The following GALNT18 variants were observed in gnomAD, a reference collection of about 807,000 sequenced individuals.
The protein encoded by GALNT18 is polypeptide N-acetylgalactosaminyltransferase 18.
Under a neutral mutation model 69.5 loss-of-function variants are expected in GALNT18, and 44 were observed. The observed-to-expected ratio is 0.63, with a 90% CI of 0.50 to 0.81. The LOEUF (loss-of-function observed/expected upper bound fraction) is 0.81. Among genes scored for constraint, GALNT18 ranks in the 40% least tolerant of loss-of-function variants. The pLI, the probability that GALNT18 is intolerant of heterozygous loss-of-function variation, is 0.00. For synonymous variants in GALNT18, 364 were observed against 318.2 expected (o/e 1.14, Z -1.53); for missense variants, 715 against 810.0 (o/e 0.88, Z 1.42).
chr11:11,297,347 C>G (rs1432100145), intron 9 of GALNT18, among the ~76,000 whole-genome samples: 1 of 152,202 alleles, frequency 6.6e-6, no homozygotes, highest in Non-Finnish European at 1.5e-5. Flanking sequence ...ACTCATGAGG[C>G]AGGTACTAAT....
At position 11,273,552 on chromosome 11, in the gene GALNT18, G is replaced by A. The variant is rs116005302; in HGVS notation, c.1678-2262C>T. ...GAAAGACAGGCAATAATAAATGCTG[G>A]TGAGGATGTAGAGAAAAGGAAACCT... On this transcript the variant is annotated intron_variant, in intron 10 of 10. Transcript: ENST00000227756. 2.4e-3 allele frequency among the ~76,000 whole-genome samples: 369 copies of A among 152,320 alleles called. 1 individual carries two copies. The highest frequency in any genetic ancestry group is 8.1e-3 in the African/African-American group (337 of 41,580).
rs1376433218 is a variant in GALNT18, at chr11:11,309,734, C to T, written c.1513-16541G>A. On this transcript the variant is annotated intron_variant, in intron 9 of 10. Transcript: ENST00000227756. The surrounding 1 kb of genome is among the most constrained non-coding windows in gnomAD (Gnocchi z 4.6). ...GGGTACCTGCTCAGCAGCTGAGCCA[C>T]TTTCACTCTGCAGGGTTTCTAAACC... 2.0e-5 allele frequency among the ~76,000 whole-genome samples: 3 copies of T among 152,124 alleles called. No homozygotes were observed. Among genetic ancestry groups the T allele is most frequent in the Non-Finnish European group, 4.4e-5 (3 of 68,008 alleles).
chr11:11,372,710 G>C lies in GALNT18; in HGVS notation c.978-81C>G. On this transcript the variant is annotated intron_variant, in intron 5 of 10. Transcript: ENST00000227756. This position sits in a 1 kb window ranked among gnomAD's most constrained non-coding sequence, Gnocchi z 4.9. ...GAGCAGTAAGGCCTTCCTATCAGGA[G>C]GGTCTGGTTCTCTTCCTTCCTTTGC... 1 of 1,083,438 alleles carries C rather than the reference G, an allele frequency of 9.2e-7. No homozygotes were observed. Among genetic ancestry groups the C allele is most frequent in the Admixed American group, 1.9e-5 (1 of 53,866 alleles). The allele number at this position is 1,083,438 out of a possible 1,614,324, so 67.1% of individuals were successfully genotyped here. A position where few individuals can be genotyped will look rare whatever the true frequency, so the allele number is the denominator to read the frequency against.
chr11:11,484,749 G>T (rs980206458), intron 1 of GALNT18, among the ~76,000 whole-genome samples: 1 of 152,158 alleles, frequency 6.6e-6, no homozygotes, highest in African/African-American at 2.4e-5. Context: ...TAGAAGGACA[G>T]AACCCAAGTT....
intron 10 of GALNT18, among the ~76,000 whole-genome samples, chr11:11,277,843 T>G (rs967841646): frequency 3.3e-5 from 5 of 152,238 alleles, no homozygotes; most frequent in Admixed American, 1.3e-4. Context: ...AGTTCTAATT[T>G]GATTGCACTG....
Position 11,613,753 on chromosome 11 carries a change from G to A in GALNT18, c.235+7606C>T, listed in dbSNP as rs371147919. Among the ~76,000 whole-genome samples, 27 of 152,328 alleles carry A rather than the reference G, an allele frequency of 1.8e-4. No individual in the cohort carries two copies. The highest frequency in any genetic ancestry group is 6.2e-4 in the South Asian group (3 of 4,830). On this transcript the variant is annotated intron_variant, in intron 1 of 10. Coordinates refer to ENST00000227756, the MANE Select transcript of GALNT18 (RefSeq NM_198516.3). This position sits in a 1 kb window ranked among gnomAD's most constrained non-coding sequence, Gnocchi z 4.2. The stretch of plus-strand genomic sequence containing the variant: ...GAGACATTCCAGGCCAGCATAAACA[G>A]CATGGTCCACCATTCATTGATGGTG...
chr11:11,607,481 T>TA (rs1456439750), intron 1 of GALNT18, among the ~76,000 whole-genome samples: 2 of 152,176 alleles, frequency 1.3e-5, no homozygotes, highest in African/African-American at 2.4e-5. Context: ...ATAAGTGCTA[T>TA]AAAAAAGTAT....
At chr11:11,479,013 G>A (rs1266075951) in intron 1 of GALNT18, among the ~76,000 whole-genome samples, 1 of 152,198 alleles carries the variant, frequency 6.6e-6, no homozygotes, top group East Asian at 1.9e-4. Flanking sequence ...TTCTGCCAAT[G>A]GCCCTGCGTC....
rs1389439700 is a variant in GALNT18, at chr11:11,617,451, C to T, written c.235+3908G>A. On this transcript the variant is annotated intron_variant, in intron 1 of 10. Coordinates refer to ENST00000227756, the MANE Select transcript of GALNT18 (RefSeq NM_198516.3). The surrounding 1 kb of genome is among the most constrained non-coding windows in gnomAD (Gnocchi z 4.7). The stretch of plus-strand genomic sequence containing the variant: ...AGGTCTCCAACAGATAAATGTTAAA[C>T]CAATAAACTATGTAGCAAATATGGA... Among the ~76,000 whole-genome samples, 2 of 152,070 alleles carry T rather than the reference C, an allele frequency of 1.3e-5. No homozygotes were observed. The highest frequency in any genetic ancestry group is 1.3e-4 in the Admixed American group (2 of 15,270).
rs1376591124 is a variant in GALNT18 at position 11,614,352 on chromosome 11, A to G, written c.235+7007T>C. Among the ~76,000 whole-genome samples, 1 of 110,560 alleles carries G rather than the reference A, an allele frequency of 9.0e-6. No individual in the cohort carries two copies. The highest frequency in any genetic ancestry group is 4.3e-5 in the African/African-American group (1 of 23,516). 72.5% of individuals were successfully genotyped at this position (110,560 alleles called of 152,430 possible). On this transcript the variant is annotated intron_variant, in intron 1 of 10. Transcript: ENST00000227756. This position sits in a 1 kb window ranked among gnomAD's most constrained non-coding sequence, Gnocchi z 5.6. Reference sequence around the variant, plus strand: ...GAGAGAGAGGCAAGAGAGTGAGGAGAAGAAGAAGAAGAGGAGGAGGAGGAG... The same window carrying G: ...GAGAGAGAGGCAAGAGAGTGAGGAGGAGAAGAAGAAGAGGAGGAGGAGGAG...
chr11:11,408,382 A>G (rs1446044579), intron 3 of GALNT18, among the ~76,000 whole-genome samples: 1 of 151,112 alleles, frequency 6.6e-6, no homozygotes, highest in Admixed American at 6.6e-5. Context: ...AAAAAAAAAA[A>G]AAAAAAAAGG....
At chr11:11,464,092 G>A (rs1175789318) in intron 1 of GALNT18, among the ~76,000 whole-genome samples, 18 of 152,178 alleles carry the variant, frequency 1.2e-4, no homozygotes, top group Admixed American at 1.2e-3. Context: ...GGGGTCCCAA[G>A]CTTATCTATC....
chr11:11,353,757 G>A (rs543990291), intron 6 of GALNT18, among the ~76,000 whole-genome samples: 1 of 152,142 alleles, frequency 6.6e-6, no homozygotes, highest in Non-Finnish European at 1.5e-5. Context: ...TGTCCAAAGG[G>A]TGTTGCCATG....
chr11:11,327,798 G>T (rs1590039911), intron 8 of GALNT18, among the ~76,000 whole-genome samples: 1 of 152,168 alleles, frequency 6.6e-6, no homozygotes, highest in East Asian at 1.9e-4. Flanking sequence ...ACATGTCTGG[G>T]TAAGACAGCT....
chr11:11,345,012 TTGC>T (rs996408403), intron 6 of GALNT18, among the ~76,000 whole-genome samples: 14 of 152,294 alleles, frequency 9.2e-5, no homozygotes, highest in South Asian at 2.1e-4. Flanking sequence ...AATTATTACG[TTGC>T]TGCTATTTGG....
At chr11:11,491,344 C>G (rs1856766736) in intron 1 of GALNT18, among the ~76,000 whole-genome samples, 1 of 152,208 alleles carries the variant, frequency 6.6e-6, no homozygotes, top group South Asian at 2.1e-4. Context: ...GGCATGAACA[C>G]CTTCCAGACT....
chr11:11,311,371 T>A (rs991367117), intron 9 of GALNT18, among the ~76,000 whole-genome samples: 1 of 152,254 alleles, frequency 6.6e-6, no homozygotes, highest in Non-Finnish European at 1.5e-5. Flanking sequence ...TTGCAACTTA[T>A]ACTCTGTCAC....
chr11:11,283,128 G>A (rs1849118796), intron 10 of GALNT18, among the ~76,000 whole-genome samples: 1 of 152,096 alleles, frequency 6.6e-6, no homozygotes. Flanking sequence ...AAGTGGATAG[G>A]GCCTTGTGGC....
intron 1 of GALNT18, among the ~76,000 whole-genome samples, chr11:11,462,284 T>C (rs1564961534): frequency 7.5e-6 from 1 of 134,156 alleles, no homozygotes; most frequent in Non-Finnish European, 1.7e-5. Flanking sequence ...CTTTTTTTTT[T>C]TTTTTCCTTT....
Sources: allele counts gnomAD v4.1 joint callset (sites outside exome capture counted in the v4.1 genomes callset), GRCh38; gene constraint gnomAD v4.1.1; non-coding constraint Gnocchi (gnomAD v3.1); transcripts MANE v1.5; gene names NCBI Gene and HGNC (gene_info 2026-07-23, HGNC 2026-07-21).